Variants in CAT observed in about 807,000 individuals in gnomAD.
CAT encodes epididymis secretory sperm binding protein.
In CAT, 43 loss-of-function variants were observed where a neutral mutation model predicts 59.0. The ratio of observed to expected loss-of-function variants is 0.73; its 90% CI spans 0.57 to 0.94. The LOEUF (loss-of-function observed/expected upper bound fraction) is 0.94, where lower values mean the gene tolerates loss of function less well. CAT is among the 40% of genes least tolerant of loss of function. The probability of loss-of-function intolerance (pLI) is 0.00; values close to 1 mark genes in which losing one functional copy is unlikely to be tolerated. For missense variants in CAT, 664 were observed against 682.9 expected, an observed-to-expected ratio of 0.97 and a Z score of 0.31; for synonymous variants, 218 against 230.9, an observed-to-expected ratio of 0.94 and a Z score of 0.51.
chr11:34,448,561 C>T (rs1179206740), intron 1 of CAT, among the ~76,000 whole-genome samples: 4 of 152,140 alleles, frequency 2.6e-5, no homozygotes, highest in Admixed American at 1.3e-4. Flanking sequence ...GTAAAATAAC[C>T]TATCCCATTT....
chr11:34,467,865 A>G (rs1381980317), intron 10 of CAT, among the ~76,000 whole-genome samples: 1 of 152,162 alleles, frequency 6.6e-6, no homozygotes, highest in Non-Finnish European at 1.5e-5. Flanking sequence ...GTCTATATAT[A>G]GATATAATTA....
Position 34,452,174 on chromosome 11 carries a change from C to T in CAT, c.447C>T (p.Asn149=). 6.2e-7 allele frequency: 1 copy of T among 1,613,726 alleles called. No homozygotes were observed. Among genetic ancestry groups the T allele is most frequent in the Non-Finnish European group, 8.5e-7 (1 of 1,179,694 alleles). ...EDGNWDLVGN[N]TPIFFIRDPI... is the part of the protein sequence containing the mutation. ...GTAACTGGGATCTCGTTGGAAATAA[C>T]ACCCCCATTTTCTTCATCAGGGATC... The change falls in exon 4 of 13, where the codon AAC becomes AAT. Residue 149 remains asparagine, a synonymous_variant. Transcript: ENST00000241052.
chr11:34,458,138 G>C (rs946318910), intron 8 of CAT, among the ~76,000 whole-genome samples: 3 of 152,242 alleles, frequency 2.0e-5, no homozygotes, highest in African/African-American at 7.2e-5. Flanking sequence ...GAACGAGGTA[G>C]CATTTGAGAT....
At chr11:34,461,416 C>T in intron 9 of CAT, 27 bp downstream of exon 9, 1 of 1,613,964 alleles carries the variant, frequency 6.2e-7, no homozygotes, top group Non-Finnish European at 8.5e-7. Flanking sequence ...TGGGCTCCCC[C>T]TGCGTGGGCA....
intron 10 of CAT, 75 bp downstream of exon 10, chr11:34,464,310 C>T: frequency 1.5e-6 from 2 of 1,372,506 alleles, no homozygotes; most frequent in Non-Finnish European, 1.0e-6. Flanking sequence ...ATCCCCCTCC[C>T]TGCAAATGCC....
At chr11:34,457,202 TTC>T (rs1856601066) in intron 8 of CAT, among the ~76,000 whole-genome samples, 2 of 139,720 alleles carry the variant, frequency 1.4e-5, no homozygotes, top group Admixed American at 7.5e-5. Context: ...TATTTTCTTG[TTC>T]TTTTTTTTTT....
intron 1 of CAT, among the ~76,000 whole-genome samples, chr11:34,448,835 C>T (rs1169010141): frequency 6.6e-6 from 1 of 152,174 alleles, no homozygotes. Context: ...CTGGATTGGA[C>T]ATTTCACTGT....
At chr11:34,440,572 T>C (rs1000626183) in intron 1 of CAT, among the ~76,000 whole-genome samples, 6 of 151,850 alleles carry the variant, frequency 4.0e-5, no homozygotes, top group South Asian at 2.1e-4. Context: ...CTTTTCTTTT[T>C]TTTTTTTTGA....
intron 5 of CAT, 98 bp from the exon 6 acceptor site, chr11:34,453,703 T>C (rs1486674541): frequency 1.8e-6 from 2 of 1,128,444 alleles, no homozygotes; most frequent in Non-Finnish European, 1.3e-6. Flanking sequence ...ATGTTTTATG[T>C]CATTAAGGGA....
intron 8 of CAT, among the ~76,000 whole-genome samples, chr11:34,460,247 TGAAA>T (rs1856633273): frequency 6.6e-6 from 1 of 152,178 alleles, no homozygotes; most frequent in Non-Finnish European, 1.5e-5. Flanking sequence ...GAGCATTAAC[TGAAA>T]GAAATTTCAA....
At chr11:34,442,271 T>C (rs1323227942) in intron 1 of CAT, among the ~76,000 whole-genome samples, 2 of 152,218 alleles carry the variant, frequency 1.3e-5, no homozygotes, top group African/African-American at 4.8e-5. Flanking sequence ...CTAAGTGTTA[T>C]AATAATAAAT....
intron 1 of CAT, among the ~76,000 whole-genome samples, chr11:34,447,920 C>T (rs1226701322): frequency 1.3e-5 from 2 of 152,192 alleles, no homozygotes; most frequent in African/African-American, 4.8e-5. Context: ...GGCTCTAGTG[C>T]TGGCACTCAT....
At chr11:34,455,890 T>C in intron 6 of CAT, 121 bp from the exon 7 acceptor site, 1 of 758,902 alleles carries the variant, frequency 1.3e-6, no homozygotes, top group African/African-American at 1.7e-5. Flanking sequence ...ATAGAAGTAT[T>C]GTTGTAAAGA....
In CAT at chr11:34,471,715, A is replaced by T. The variant is rs1222936958; in HGVS notation, c.*282A>T. 2.3e-6 allele frequency: 1 copy of T among 443,122 alleles called. No individual in the cohort carries two copies. The highest frequency in any genetic ancestry group is 4.4e-5 in the East Asian group (1 of 22,690). 27.4% of individuals were successfully genotyped at this position (443,122 alleles called of 1,614,324 possible). A position where few individuals can be genotyped will look rare whatever the true frequency, so the allele number is the denominator to read the frequency against. On this transcript the variant is annotated 3_prime_UTR_variant, in exon 13 of 13. Transcript: ENST00000241052. ...AGAAGGCAAGTTTCTAGCTAGAAATATGATTTTATTTGACAAAATTTGTTG... is the reference window on the plus strand; with the variant it reads ...AGAAGGCAAGTTTCTAGCTAGAAATTTGATTTTATTTGACAAAATTTGTTG...
chr11:34,452,286 A>G, intron 4 of CAT, 79 bp downstream of exon 4: 1 of 1,378,094 alleles, frequency 7.3e-7, no homozygotes, highest in Non-Finnish European at 1.0e-6. Context: ...TTTGAGGAGA[A>G]GCCGTGGGAA....
intron 10 of CAT, among the ~76,000 whole-genome samples, chr11:34,467,454 A>G (rs951571828): frequency 6.6e-6 from 1 of 152,090 alleles, no homozygotes; most frequent in African/African-American, 2.4e-5. Context: ...ATAGCCTGAT[A>G]TTTGATGACT....
rs1238431231 is a variant in CAT, at chr11:34,471,585, A to G, written c.*152A>G. ...ACTTTCTATAGCAGATTGTGTAACA[A>G]TTTTAATGCTATTTCCCCAGGGGAA... On this transcript the variant is annotated 3_prime_UTR_variant, in exon 13 of 13. Coordinates refer to ENST00000241052, the MANE Select transcript of CAT (RefSeq NM_001752.4). 11 of 698,830 alleles carry G rather than the reference A, an allele frequency of 1.6e-5. No individual in the cohort carries two copies. Among genetic ancestry groups the G allele is most frequent in the Non-Finnish European group, 2.6e-5 (10 of 382,706 alleles). 43.3% of individuals were successfully genotyped at this position (698,830 alleles called of 1,614,324 possible).
chr11:34,460,377 T>G (rs533610718), intron 8 of CAT, among the ~76,000 whole-genome samples: 1 of 152,090 alleles, frequency 6.6e-6, no homozygotes, highest in African/African-American at 2.4e-5. Context: ...TTGTTGTTTA[T>G]ATCTAGAAAG....
chr11:34,467,616 G>T (rs917056819), intron 10 of CAT, among the ~76,000 whole-genome samples: 1 of 152,188 alleles, frequency 6.6e-6, no homozygotes, highest in Non-Finnish European at 1.5e-5. Context: ...TGGAATGAAT[G>T]AATGAAATGT....
Sources: gnomAD v4.1 joint callset for allele counts (sites outside exome capture counted in the v4.1 genomes callset) on GRCh38, gnomAD v4.1.1 for gene constraint, MANE v1.5 for transcripts, NCBI Gene and HGNC (gene_info 2026-07-23, HGNC 2026-07-21) for gene names.